The following SUGCT variants were observed in gnomAD, a reference collection of about 807,000 sequenced individuals.
SUGCT encodes the protein succinyl-CoA:glutarate CoA-transferase.
SUGCT carries 41 observed loss-of-function variants against 55.0 expected under a neutral mutation model. The observed-to-expected ratio is 0.74, with a 90% CI of 0.58 to 0.97. The LOEUF is 0.97. Ranked by LOEUF, SUGCT falls within the 50% of genes least tolerant of loss-of-function variation. SUGCT has a pLI of 0.00. For missense variants in SUGCT, 568 were observed against 547.8 expected, an observed-to-expected ratio of 1.04 and a Z score of -0.37; for synonymous variants, 187 against 200.4, an observed-to-expected ratio of 0.93 and a Z score of 0.56.
the SUGCT span, among the ~76,000 whole-genome samples, chr7:40,931,607 A>G: frequency 6.6e-6 from 1 of 152,062 alleles, no homozygotes; most frequent in African/African-American, 2.4e-5. Flanking sequence ...ACAGCCTGTT[A>G]TTGGTCTATT....
chr7:40,832,086 ATTC>A (rs1195122400), intron 13 of SUGCT, among the ~76,000 whole-genome samples: 1 of 152,154 alleles, frequency 6.6e-6, no homozygotes, highest in East Asian at 1.9e-4. Context: ...GCCTGTCTCC[ATTC>A]ACAAGGGGCC....
chr7:40,538,581 C>G (rs1794498818), intron 12 of SUGCT: 2 of 152,104 alleles, frequency 1.3e-5, no homozygotes, highest in Admixed American at 6.5e-5. Flanking sequence ...CAATGTAAAA[C>G]AAAATAAGCA....
At chr7:40,347,815 C>A (rs567449387) in intron 9 of SUGCT, among the ~76,000 whole-genome samples, 80 of 152,220 alleles carry the variant, frequency 5.3e-4, no homozygotes, top group Non-Finnish European at 9.7e-4. Context: ...ACAAACACCT[C>A]TTGAAAATCT....
intron 7 of SUGCT, among the ~76,000 whole-genome samples, chr7:40,252,571 T>A (rs1584470577): frequency 6.6e-6 from 1 of 152,338 alleles, no homozygotes; most frequent in East Asian, 1.9e-4. Flanking sequence ...TTTTAAGAAT[T>A]AATATTAATA....
chr7:41,019,207 A>G, the SUGCT span, among the ~76,000 whole-genome samples: 2 of 152,122 alleles, frequency 1.3e-5, no homozygotes, highest in Non-Finnish European at 2.9e-5. Context: ...CCACTAATAC[A>G]TTGTTAAGTA....
chr7:40,419,298 A>G (rs982549782), intron 9 of SUGCT, among the ~76,000 whole-genome samples: 11 of 152,018 alleles, frequency 7.2e-5, no homozygotes, highest in African/African-American at 2.4e-4. Flanking sequence ...CAGGAATTCA[A>G]TTTTTTTCTT....
At chr7:40,644,928 A>G (rs777115419) in intron 12 of SUGCT, among the ~76,000 whole-genome samples, 1 of 152,114 alleles carries the variant, frequency 6.6e-6, no homozygotes, top group Non-Finnish European at 1.5e-5. Flanking sequence ...CCTCAACCGC[A>G]CTGTGGCTGT....
intron 9 of SUGCT, among the ~76,000 whole-genome samples, chr7:40,438,990 AT>A (rs1419936305): frequency 6.9e-6 from 1 of 145,304 alleles, no homozygotes; most frequent in Non-Finnish European, 1.5e-5. Flanking sequence ...TACTGTATAT[AT>A]AGAAAGTATA....
intron 12 of SUGCT, among the ~76,000 whole-genome samples, chr7:40,739,066 A>T (rs1371572075): frequency 6.6e-6 from 1 of 152,212 alleles, no homozygotes; most frequent in East Asian, 1.9e-4. Context: ...ACATGCAGTG[A>T]TAAGAAATAA....
At chr7:40,180,663 A>G (rs1002740880) in intron 1 of SUGCT, among the ~76,000 whole-genome samples, 2 of 150,946 alleles carry the variant, frequency 1.3e-5, no homozygotes, top group Non-Finnish European at 3.0e-5. Context: ...TAATTTTTGT[A>G]TTTTTGGTAC....
At chr7:40,141,384 C>T (rs923147681) in intron 1 of SUGCT, among the ~76,000 whole-genome samples, 3 of 151,832 alleles carry the variant, frequency 2.0e-5, no homozygotes, top group Non-Finnish European at 4.4e-5. Flanking sequence ...GTTGTACTCC[C>T]AGCACTTTGG....
intron 7 of SUGCT, among the ~76,000 whole-genome samples, chr7:40,273,707 G>A (rs937505275): frequency 3.9e-5 from 6 of 152,150 alleles, no homozygotes; most frequent in African/African-American, 1.4e-4. Flanking sequence ...GCAGAGACAT[G>A]TCTGGGACAT....
At chr7:40,808,192 G>C (rs963357234) in intron 13 of SUGCT, 1 of 152,258 alleles carries the variant, frequency 6.6e-6, no homozygotes, top group Non-Finnish European at 1.5e-5. Flanking sequence ...AAGAGACTTG[G>C]CAGTGGATTT....
chr7:40,452,493 TAAG>T lies in SUGCT; in HGVS notation c.888+3139_888+3141del, dbSNP rs1445191549. ...GGTGAGGTAGAGGAAACTTCAGTTT[TAAG>T]AAGGACTGTAGGTGATTTTGGAGCA... On this transcript the variant is annotated intron_variant, in intron 10 of 13. Coordinates refer to ENST00000335693, the MANE Select transcript of SUGCT (RefSeq NM_001193313.2). 2.0e-5 allele frequency among the ~76,000 whole-genome samples: 3 copies of T among 152,162 alleles called. 1 individual carries two copies. In the East Asian group the frequency reaches 5.8e-4, roughly 29 times the overall value.
At chr7:40,485,444 G>A (rs1791283545) in intron 11 of SUGCT, among the ~76,000 whole-genome samples, 1 of 71,180 alleles carries the variant, frequency 1.4e-5, no homozygotes, top group Admixed American at 1.8e-4. Context: ...TTTTTTTTTG[G>A]AGACTCGGTC....
chr7:40,872,752 T>TTAAC, the SUGCT span, among the ~76,000 whole-genome samples: 1 of 152,230 alleles, frequency 6.6e-6, no homozygotes, highest in Non-Finnish European at 1.5e-5. Flanking sequence ...AAATGAGGAA[T>TTAAC]TAACTGTACC....
chr7:40,774,798 A>G (rs1789368803), intron 13 of SUGCT, among the ~76,000 whole-genome samples: 1 of 151,970 alleles, frequency 6.6e-6, no homozygotes, highest in African/African-American at 2.4e-5. Flanking sequence ...AAAAACCCAC[A>G]AATTTGGTGT....
At chr7:40,315,950 T>G (rs995717596) in intron 8 of SUGCT, among the ~76,000 whole-genome samples, 3 of 152,196 alleles carry the variant, frequency 2.0e-5, no homozygotes, top group Non-Finnish European at 4.4e-5. Context: ...AATCAATTCA[T>G]TATCTTCATA....
intron 12 of SUGCT, among the ~76,000 whole-genome samples, chr7:40,545,817 CT>C (rs1216232232): frequency 6.6e-6 from 1 of 152,092 alleles, no homozygotes; most frequent in Non-Finnish European, 1.5e-5. Context: ...AAACATTTGA[CT>C]TTGGAAATAC....
Sources: allele counts gnomAD v4.1 joint callset (sites outside exome capture counted in the v4.1 genomes callset), GRCh38; gene constraint gnomAD v4.1.1; transcripts MANE v1.5; gene names NCBI Gene and HGNC (gene_info 2026-07-23, HGNC 2026-07-21).